The following GNA12 variants were observed in gnomAD, a reference collection of about 807,000 sequenced individuals.
GNA12 encodes guanine nucleotide-binding protein subunit alpha-12.
GNA12 carries 9 observed loss-of-function variants against 26.0 expected under a neutral mutation model. The ratio of observed to expected loss-of-function variants is 0.35; its 90% CI spans 0.21 to 0.60. The LOEUF (loss-of-function observed/expected upper bound fraction) is 0.60, where lower values mean the gene tolerates loss of function less well. Among genes scored for constraint, GNA12 ranks in the 20% least tolerant of loss-of-function variants. The pLI, the probability that GNA12 is intolerant of heterozygous loss-of-function variation, is 0.78. For missense variants in GNA12, 405 were observed against 525.8 expected, an observed-to-expected ratio of 0.77 and a Z score of 2.25; for synonymous variants, 264 against 219.6, an observed-to-expected ratio of 1.20 and a Z score of -1.79.
At chr7:2,769,861 C>T (rs914022210) in intron 2 of GNA12, among the ~76,000 whole-genome samples, 1 of 152,168 alleles carries the variant, frequency 6.6e-6, no homozygotes. Flanking sequence ...CCTTAACACA[C>T]TGGATATTAT....
intron 1 of GNA12, among the ~76,000 whole-genome samples, chr7:2,834,613 G>A (rs937413359): frequency 1.3e-5 from 2 of 152,152 alleles, no homozygotes; most frequent in Non-Finnish European, 2.9e-5. Flanking sequence ...TCTTCAAAAA[G>A]TTTCTAAAAT....
chr7:2,800,373 A>C (rs1046544871), intron 1 of GNA12, among the ~76,000 whole-genome samples: 2 of 152,202 alleles, frequency 1.3e-5, no homozygotes, highest in African/African-American at 4.8e-5. Context: ...ACACGAGGAG[A>C]TCTTTGTGGT....
intron 1 of GNA12, among the ~76,000 whole-genome samples, chr7:2,808,092 G>C (rs1028818283): frequency 2.6e-5 from 4 of 152,242 alleles, no homozygotes; most frequent in African/African-American, 9.6e-5. Context: ...ATGGGTAACT[G>C]TTTAGACAAC....
chr7:2,758,774 A>C (rs1452180509), intron 2 of GNA12, among the ~76,000 whole-genome samples: 1 of 152,172 alleles, frequency 6.6e-6, no homozygotes, highest in Non-Finnish European at 1.5e-5. Context: ...TTCAGTGGAT[A>C]ATCAAGTGCA....
At chr7:2,756,563 C>T (rs901068359) in intron 2 of GNA12, among the ~76,000 whole-genome samples, 2 of 151,868 alleles carry the variant, frequency 1.3e-5, no homozygotes, top group Non-Finnish European at 2.9e-5. Context: ...TGCAGTGAGC[C>T]ACAATCGTGC....
chr7:2,773,125 A>C (rs1791989951), intron 2 of GNA12, among the ~76,000 whole-genome samples: 2 of 152,202 alleles, frequency 1.3e-5, no homozygotes, highest in African/African-American at 4.8e-5. Context: ...ATCAATGGGG[A>C]AGCAGCGGGA....
intron 1 of GNA12, among the ~76,000 whole-genome samples, chr7:2,807,585 G>A (rs75224912): frequency 1.5e-3 from 205 of 136,308 alleles, no homozygotes; most frequent in African/African-American, 4.4e-3. Flanking sequence ...GTATAAGAGA[G>A]AAAAAAAAAA....
chr7:2,794,600 G>C (rs950476798), intron 2 of GNA12: 6 of 305,136 alleles, frequency 2.0e-5, no homozygotes, highest in South Asian at 1.5e-4. Flanking sequence ...AAGCTGTTGT[G>C]GGGGGTGTTA....
At chr7:2,832,705 C>CTAGA (rs1778711967) in intron 1 of GNA12, among the ~76,000 whole-genome samples, 1 of 152,178 alleles carries the variant, frequency 6.6e-6, no homozygotes, top group Non-Finnish European at 1.5e-5. Flanking sequence ...GGACTTCAGA[C>CTAGA]TAGACAGTAA....
intron 2 of GNA12, among the ~76,000 whole-genome samples, chr7:2,786,836 T>A (rs1010328220): frequency 5.9e-5 from 9 of 152,286 alleles, no homozygotes; most frequent in African/African-American, 2.2e-4. Context: ...CAACCCACCA[T>A]GCCCATCTCG....
At chr7:2,781,613 T>G (rs1014521118) in intron 2 of GNA12, among the ~76,000 whole-genome samples, 2 of 152,186 alleles carry the variant, frequency 1.3e-5, no homozygotes, top group Admixed American at 6.5e-5. Context: ...ATGGTAAATA[T>G]TTCAGGCTTT....
In GNA12 at chr7:2,731,334, C is replaced by G; in HGVS notation, c.993G>C (p.Leu331=). The G allele has an allele frequency of 6.2e-7, 1 of 1,613,928 alleles. No homozygotes were observed. The highest frequency in any genetic ancestry group is 8.5e-7 in the Non-Finnish European group (1 of 1,179,970). The part of the protein sequence containing the change: ...PHRLEDVQRY[L]VQCFDRKRRN... Reference sequence around the variant, plus strand: ...GTCTCTTCCTGTCGAAGCACTGGACCAGGTAGCGCTGGACGTCCTCCAGCC... The same window carrying G: ...GTCTCTTCCTGTCGAAGCACTGGACGAGGTAGCGCTGGACGTCCTCCAGCC... Residue 331 remains leucine (L), a synonymous_variant, in exon 4 of 4, where the codon CTG becomes CTC. Coordinates refer to ENST00000275364, the MANE Select transcript of GNA12 (RefSeq NM_007353.3). The surrounding 1 kb of genome is among the most constrained non-coding windows in gnomAD (Gnocchi z 6.0).
intron 2 of GNA12, among the ~76,000 whole-genome samples, chr7:2,776,417 A>G (rs1792078082): frequency 6.6e-6 from 1 of 152,226 alleles, no homozygotes; most frequent in Admixed American, 6.5e-5. Flanking sequence ...GTGTCCAACA[A>G]CGGGCAGAGA....
At chr7:2,811,479 T>C (rs1211576614) in intron 1 of GNA12, among the ~76,000 whole-genome samples, 3 of 152,234 alleles carry the variant, frequency 2.0e-5, no homozygotes, top group Non-Finnish European at 4.4e-5. Flanking sequence ...GTGCTGCTTC[T>C]TCTTACTCAG....
intron 1 of GNA12, among the ~76,000 whole-genome samples, chr7:2,824,515 GCTTT>G (rs1793439494): frequency 6.6e-6 from 1 of 152,150 alleles, no homozygotes; most frequent in African/African-American, 2.4e-5. Flanking sequence ...AGCACTTGTT[GCTTT>G]CTAACATTTC....
In GNA12 at chr7:2,733,981, C is replaced by A. The variant is rs530006965; in HGVS notation, c.526-480G>T. Among the ~76,000 whole-genome samples the A allele has an allele frequency of 2.6e-5, 4 of 152,352 alleles. No homozygotes were observed. In the East Asian group the frequency reaches 7.7e-4, roughly 29 times the overall value. On this transcript the variant is annotated intron_variant, in intron 2 of 3. Transcript: ENST00000275364. ...CGAAAAGGAGCATCTAGCAAAACATCTTCCAGTTTCTAGAAAGAGTCCATT... is the reference window on the plus strand; with the variant it reads ...CGAAAAGGAGCATCTAGCAAAACATATTCCAGTTTCTAGAAAGAGTCCATT...
intron 1 of GNA12, among the ~76,000 whole-genome samples, chr7:2,797,132 C>T (rs1394489247): frequency 1.3e-5 from 2 of 152,226 alleles, no homozygotes; most frequent in Admixed American, 1.3e-4. Flanking sequence ...GGGTCACCTG[C>T]TCACTAGGCA....
chr7:2,783,262 G>A (rs957887632), intron 2 of GNA12, among the ~76,000 whole-genome samples: 1 of 152,154 alleles, frequency 6.6e-6, no homozygotes, highest in African/African-American at 2.4e-5. Context: ...CAGGCACTTG[G>A]GTATGTTATC....
intron 2 of GNA12, among the ~76,000 whole-genome samples, chr7:2,772,126 G>C (rs965625610): frequency 6.6e-6 from 1 of 152,204 alleles, no homozygotes; most frequent in African/African-American, 2.4e-5. Context: ...TGAGTTTTGA[G>C]AGTTCTTTAC....
Sources: gnomAD v4.1 joint callset for allele counts (sites outside exome capture counted in the v4.1 genomes callset) on GRCh38, gnomAD v4.1.1 for gene constraint, Gnocchi (gnomAD v3.1) non-coding constraint, MANE v1.5 for transcripts, NCBI Gene and HGNC (gene_info 2026-07-23, HGNC 2026-07-21) for gene names.